The following SOX6 variants were observed in gnomAD, a reference collection of about 807,000 sequenced individuals.
SOX6 encodes the protein SRY-box transcription factor 6, also known as transcription factor SOX-6.
Under a neutral mutation model 97.8 loss-of-function variants are expected in SOX6, and 11 were observed. That is an observed-to-expected ratio of 0.11 (90% confidence interval 0.07 to 0.19). The LOEUF (loss-of-function observed/expected upper bound fraction) is 0.19, where lower values mean the gene tolerates loss of function less well. SOX6 is among the 10% of genes least tolerant of loss of function. SOX6 has a pLI of 1.00. For synonymous variants in SOX6, 360 were observed against 371.4 expected, an observed-to-expected ratio of 0.97 and a Z score of 0.35; for missense variants, 810 against 1,039.5, an observed-to-expected ratio of 0.78 and a Z score of 3.04.
chr11:16,532,449 GTT>G (rs1412882751), intron 4 of SOX6, among the ~76,000 whole-genome samples: 2 of 151,812 alleles, frequency 1.3e-5, no homozygotes, highest in African/African-American at 4.8e-5. Context: ...TGTAACAAAT[GTT>G]CAATCCTGGT....
intron 4 of SOX6, among the ~76,000 whole-genome samples, chr11:16,522,312 TG>T (rs1193962068): frequency 6.6e-6 from 1 of 151,894 alleles, no homozygotes; most frequent in African/African-American, 2.4e-5. Context: ...CAGAAGACAG[TG>T]GGGGCCAATA....
rs1047537668 is a variant in SOX6, at chr11:16,140,092, CTCTA to C, written c.778-28173_778-28170del. 4.6e-5 allele frequency among the ~76,000 whole-genome samples: 7 copies of C among 151,364 alleles called. No individual in the cohort carries two copies. The East Asian group carries it at 7.8e-4, about 17-fold the overall frequency. On this transcript the variant is annotated intron_variant, in intron 6 of 15. Transcript: ENST00000683767. ...ACATACATATGTATATTTATTTTCTCTCTATCTCTTACATATTACCAACCAATCT... is the reference window on the plus strand; with the variant it reads ...ACATACATATGTATATTTATTTTCTCTCTCTTACATATTACCAACCAATCT...
At chr11:16,686,894 C>T (rs1242801227) in intron 3 of SOX6, among the ~76,000 whole-genome samples, 1 of 152,068 alleles carries the variant, frequency 6.6e-6, no homozygotes, top group Non-Finnish European at 1.5e-5. Context: ...ACCCGGGAGG[C>T]AGAGGTTACA....
At chr11:16,435,301 A>G (rs1317517024) in intron 1 of SOX6, among the ~76,000 whole-genome samples, 3 of 152,300 alleles carry the variant, frequency 2.0e-5, no homozygotes, top group African/African-American at 7.2e-5. Flanking sequence ...GCCTTAGAAC[A>G]TATTTTATAT....
intron 3 of SOX6, among the ~76,000 whole-genome samples, chr11:16,278,740 C>CT (rs2134239536): frequency 6.6e-6 from 1 of 152,078 alleles, no homozygotes; most frequent in African/African-American, 2.4e-5. Context: ...CTACAGGTCA[C>CT]TTTAACAGTA....
At chr11:16,379,392 G>A (rs1172948603) in intron 1 of SOX6, among the ~76,000 whole-genome samples, 1 of 152,056 alleles carries the variant, frequency 6.6e-6, no homozygotes, top group Non-Finnish European at 1.5e-5. Flanking sequence ...ATTGAACCCG[G>A]GAGGCAGAGG....
chr11:16,504,964 A>G (rs1860762825), intron 4 of SOX6, among the ~76,000 whole-genome samples: 1 of 152,180 alleles, frequency 6.6e-6, no homozygotes, highest in Non-Finnish European at 1.5e-5. Flanking sequence ...AAACATCTTT[A>G]TTACCCAGTT....
intron 9 of SOX6, among the ~76,000 whole-genome samples, chr11:16,088,833 T>TA (rs1848625767): frequency 6.6e-6 from 1 of 152,190 alleles, no homozygotes; most frequent in Non-Finnish European, 1.5e-5. Flanking sequence ...ATGAGCACTG[T>TA]AGGCTTGCAC....
intron 6 of SOX6, among the ~76,000 whole-genome samples, chr11:16,123,256 G>A (rs1303370900): frequency 6.6e-6 from 1 of 152,018 alleles, no homozygotes; most frequent in African/African-American, 2.4e-5. Flanking sequence ...ATGCAATAAT[G>A]AATGAATGTC....
In SOX6 at chr11:16,132,505, A is replaced by AAAGCAAGCAAGCAAGCAAGCAAGC. The variant is rs57320186; in HGVS notation, c.778-20583_778-20582insGCTTGCTTGCTTGCTTGCTTGCTT. Among the ~76,000 whole-genome samples, 32 of 86,208 alleles carry AAAGCAAGCAAGCAAGCAAGCAAGC rather than the reference A, an allele frequency of 3.7e-4. 3 individuals carry two copies. The highest frequency in any genetic ancestry group is 6.8e-4 in the Non-Finnish European group (26 of 38,488). 56.6% of individuals were successfully genotyped at this position (86,208 alleles called of 152,430 possible). ...GAAAGAAAGAAAGAAAGAAAGAAAGAAAGCTTATCTTTGTATCTAGGAAGA... is the reference window on the plus strand; with the variant it reads ...GAAAGAAAGAAAGAAAGAAAGAAAGAAAGCAAGCAAGCAAGCAAGCAAGCAAGCTTATCTTTGTATCTAGGAAGA... On this transcript the variant is annotated intron_variant, in intron 6 of 15. Transcript: ENST00000683767.
chr11:16,290,780 T>C (rs1233319949), intron 3 of SOX6, among the ~76,000 whole-genome samples: 1 of 152,100 alleles, frequency 6.6e-6, no homozygotes, highest in African/African-American at 2.4e-5. Context: ...CAGAATGTCA[T>C]CTCTCATTTT....
intron 3 of SOX6, among the ~76,000 whole-genome samples, chr11:16,680,459 C>T (rs1847917744): frequency 6.6e-6 from 1 of 152,104 alleles, no homozygotes; most frequent in South Asian, 2.1e-4. Flanking sequence ...CTGAAGGAAG[C>T]ACTAAACATG....
At chr11:16,425,814 A>G (rs1443501663) in intron 1 of SOX6, among the ~76,000 whole-genome samples, 1 of 152,190 alleles carries the variant, frequency 6.6e-6, no homozygotes, top group Admixed American at 6.5e-5. Flanking sequence ...GAAATCAGAG[A>G]TGACACATAT....
intron 2 of SOX6, among the ~76,000 whole-genome samples, chr11:16,725,193 A>G (rs1202946346): frequency 1.3e-5 from 2 of 152,268 alleles, no homozygotes; most frequent in African/African-American, 4.8e-5. Context: ...AAAGGAATGA[A>G]GTACTGATAC....
Position 16,414,687 on chromosome 11 carries a change from C to G in SOX6, c.-5+61628G>C, listed in dbSNP as rs184910279. Among the ~76,000 whole-genome samples the G allele has an allele frequency of 2.6e-5, 4 of 152,218 alleles. No homozygotes were observed. The East Asian group carries it at 7.7e-4, about 29-fold the overall frequency. On this transcript the variant is annotated intron_variant, in intron 1 of 15. Coordinates refer to the SOX6 transcript ENST00000396356. Reference sequence around the variant, plus strand: ...AGAGAGACAAAATGCTATGGGAGTTCAGATCACAGAGGCGAGATCACAGAA... The same window carrying G: ...AGAGAGACAAAATGCTATGGGAGTTGAGATCACAGAGGCGAGATCACAGAA...
chr11:16,642,034 G>C (rs1848924286), intron 3 of SOX6, among the ~76,000 whole-genome samples: 1 of 152,214 alleles, frequency 6.6e-6, no homozygotes, highest in African/African-American at 2.4e-5. Flanking sequence ...TGTTTTTGCA[G>C]TGGCTGGTAC....
chr11:16,150,251 C>T (rs1850425150), intron 6 of SOX6, among the ~76,000 whole-genome samples: 1 of 152,130 alleles, frequency 6.6e-6, no homozygotes, highest in African/African-American at 2.4e-5. Context: ...GGAAGAACTA[C>T]TTTTATAAGT....
intron 1 of SOX6, among the ~76,000 whole-genome samples, chr11:16,385,950 T>C (rs1857970533): frequency 6.6e-6 from 1 of 152,220 alleles, no homozygotes; most frequent in Non-Finnish European, 1.5e-5. Flanking sequence ...TGCTGTTGAA[T>C]TGCCTTGGGC....
intron 6 of SOX6, among the ~76,000 whole-genome samples, chr11:16,160,852 T>C (rs1484670146): frequency 1.3e-5 from 2 of 152,240 alleles, no homozygotes; most frequent in East Asian, 1.9e-4. Context: ...AACTGAGCTC[T>C]CTTTTTAAAA....
Sources: gnomAD v4.1 joint callset for allele counts (sites outside exome capture counted in the v4.1 genomes callset) on GRCh38, gnomAD v4.1.1 for gene constraint, MANE v1.5 for transcripts, NCBI Gene and HGNC (gene_info 2026-07-23, HGNC 2026-07-21) for gene names.